The following NBEA variants were observed in gnomAD, a reference collection of about 807,000 sequenced individuals.
The protein encoded by NBEA is neurobeachin, also known as lysosomal-trafficking regulator 2.
In NBEA, 44 loss-of-function variants were observed where a neutral mutation model predicts 343.4. The ratio of observed to expected loss-of-function variants is 0.13; its 90% CI spans 0.10 to 0.16. The LOEUF (loss-of-function observed/expected upper bound fraction) is 0.16. Ranked by LOEUF, NBEA falls within the 10% of genes least tolerant of loss-of-function variation. The probability of loss-of-function intolerance (pLI) is 1.00; values close to 1 mark genes in which losing one functional copy is unlikely to be tolerated. For missense variants in NBEA, 2,555 were observed against 3,631.3 expected, an observed-to-expected ratio of 0.70 and a Z score of 7.62; for synonymous variants, 1,175 against 1,238.7, an observed-to-expected ratio of 0.95 and a Z score of 1.08.
chr13:35,338,821 G>C (rs1483691456), intron 36 of NBEA, among the ~76,000 whole-genome samples: 1 of 152,010 alleles, frequency 6.6e-6, no homozygotes, highest in Non-Finnish European at 1.5e-5. Flanking sequence ...ATTTATTCCA[G>C]GAATTTATAG....
intron 36 of NBEA, among the ~76,000 whole-genome samples, chr13:35,318,077 T>G (rs2037870929): frequency 6.6e-6 from 1 of 151,906 alleles, no homozygotes; most frequent in Admixed American, 6.5e-5. Context: ...CTCTTCCTAT[T>G]TGAATACGCT....
chr13:35,086,783 T>C (rs1325617123), intron 10 of NBEA, among the ~76,000 whole-genome samples: 1 of 152,000 alleles, frequency 6.6e-6, no homozygotes, highest in African/African-American at 2.4e-5. Context: ...AAAGTTCCAT[T>C]TTCTTTAGAT....
intron 13 of NBEA, among the ~76,000 whole-genome samples, chr13:35,115,336 T>A (rs56341038): frequency 0.17 from 25,711 of 151,882 alleles, 2,597 homozygotes; most frequent in Admixed American, 0.26. Flanking sequence ...CAAGTTATAA[T>A]TATAAATATA....
At chr13:35,158,697 A>G (rs1323911143) in intron 21 of NBEA, among the ~76,000 whole-genome samples, 1 of 152,146 alleles carries the variant, frequency 6.6e-6, no homozygotes, top group East Asian at 1.9e-4. Flanking sequence ...AGCTTACATA[A>G]ATGTGTGGAA....
chr13:34,981,617 A>G (rs1593353342), intron 1 of NBEA, among the ~76,000 whole-genome samples: 1 of 152,278 alleles, frequency 6.6e-6, no homozygotes, highest in East Asian at 1.9e-4. Context: ...TGTGTTCATC[A>G]GAGATTTTGG....
chr13:35,433,523 C>T (rs952164654), intron 39 of NBEA, among the ~76,000 whole-genome samples: 1 of 151,820 alleles, frequency 6.6e-6, no homozygotes, highest in African/African-American at 2.4e-5. Flanking sequence ...AATAAAAAGA[C>T]AAAATGTGTA....
intron 36 of NBEA, among the ~76,000 whole-genome samples, chr13:35,315,521 T>C (rs1230277499): frequency 6.6e-6 from 1 of 152,190 alleles, no homozygotes; most frequent in Non-Finnish European, 1.5e-5. Context: ...GAAGTACTTA[T>C]TTAAAATACA....
At chr13:35,102,704 A>G (rs569014271) in intron 11 of NBEA, among the ~76,000 whole-genome samples, 1 of 151,990 alleles carries the variant, frequency 6.6e-6, no homozygotes, top group African/African-American at 2.4e-5. Flanking sequence ...TTACTGGTAC[A>G]TAGAATTATA....
At chr13:35,021,863 TA>T (rs2061854273) in intron 1 of NBEA, among the ~76,000 whole-genome samples, 1 of 152,180 alleles carries the variant, frequency 6.6e-6, no homozygotes, top group Non-Finnish European at 1.5e-5. Context: ...AGTTATGTTT[TA>T]AAGAGATTTC....
At chr13:35,084,624 T>A (rs1475591640) in intron 10 of NBEA, among the ~76,000 whole-genome samples, 1 of 151,506 alleles carries the variant, frequency 6.6e-6, no homozygotes, top group Non-Finnish European at 1.5e-5. Context: ...CCCATAAGAG[T>A]AAGCAGGAAA....
intron 47 of NBEA, among the ~76,000 whole-genome samples, chr13:35,596,272 T>A (rs1263588783): frequency 4.6e-5 from 7 of 152,108 alleles, no homozygotes; most frequent in Admixed American, 2.0e-4. Flanking sequence ...TAAACCTGAT[T>A]TATCAGAGAA....
chr13:35,248,286 G>T (rs1254830025), intron 34 of NBEA, among the ~76,000 whole-genome samples: 1 of 152,140 alleles, frequency 6.6e-6, no homozygotes, highest in Non-Finnish European at 1.5e-5. Context: ...TTACTGAAAT[G>T]CAAGGATGGT....
At chr13:35,078,271 A>G (rs1010174346) in intron 10 of NBEA, among the ~76,000 whole-genome samples, 7 of 152,198 alleles carry the variant, frequency 4.6e-5, no homozygotes, top group Non-Finnish European at 1.0e-4. Context: ...TAGAACTTAC[A>G]TTATCCAGCA....
intron 1 of NBEA, among the ~76,000 whole-genome samples, chr13:35,007,280 C>T (rs1469295126): frequency 6.6e-6 from 1 of 151,208 alleles, no homozygotes; most frequent in Non-Finnish European, 1.5e-5. Flanking sequence ...ATCCTTTTTT[C>T]CCCCCTCTGT....
chr13:35,027,443 T>C (rs2062054690), intron 1 of NBEA, among the ~76,000 whole-genome samples: 1 of 151,918 alleles, frequency 6.6e-6, no homozygotes, highest in Non-Finnish European at 1.5e-5. Context: ...GTTTTAACTG[T>C]TCTGATATAT....
intron 1 of NBEA, among the ~76,000 whole-genome samples, chr13:34,948,869 C>G (rs1016464844): frequency 2.6e-5 from 4 of 152,108 alleles, no homozygotes; most frequent in African/African-American, 9.7e-5. Context: ...AGTTAGCATG[C>G]TTGAAAGCAA....
At chr13:35,460,489 T>G (rs1309991811) in intron 40 of NBEA, among the ~76,000 whole-genome samples, 1 of 152,212 alleles carries the variant, frequency 6.6e-6, no homozygotes, top group Non-Finnish European at 1.5e-5. Context: ...TTTATATCAG[T>G]TAAGGTGTTA....
intron 41 of NBEA, among the ~76,000 whole-genome samples, chr13:35,492,871 C>G (rs144636453): frequency 2.6e-5 from 4 of 151,742 alleles, no homozygotes; most frequent in African/African-American, 9.7e-5. Flanking sequence ...TGGGAGATAA[C>G]GATGCTGAAT....
At chr13:35,248,732 T>A (rs1355279684) in intron 34 of NBEA, among the ~76,000 whole-genome samples, 1 of 152,164 alleles carries the variant, frequency 6.6e-6, no homozygotes, top group Non-Finnish European at 1.5e-5. Context: ...AAACTTAATA[T>A]CCACATGTAA....
Sources: gnomAD v4.1 joint callset for allele counts (sites outside exome capture counted in the v4.1 genomes callset) on GRCh38, gnomAD v4.1.1 for gene constraint, MANE v1.5 for transcripts, NCBI Gene and HGNC (gene_info 2026-07-23, HGNC 2026-07-21) for gene names.